The following DERL1 variants were observed in gnomAD, a reference collection of about 807,000 sequenced individuals.
The protein encoded by DERL1 is derlin-1.
A neutral mutation model predicts 41.6 loss-of-function variants in DERL1; 24 were observed. The observed-to-expected ratio is 0.58, with a 90% confidence interval of 0.42 to 0.81. The LOEUF (loss-of-function observed/expected upper bound fraction) is 0.81. DERL1 is among the 30% of genes least tolerant of loss of function. The probability of loss-of-function intolerance (pLI) is 0.00; values close to 1 mark genes in which losing one functional copy is unlikely to be tolerated. For synonymous variants in DERL1, 124 were observed against 112.5 expected (o/e 1.10, Z -0.65); for missense variants, 260 against 314.3 (o/e 0.83, Z 1.31).
chr8:123,032,589 CT>C (rs1184850809), intron 1 of DERL1, among the ~76,000 whole-genome samples: 1 of 152,174 alleles, frequency 6.6e-6, no homozygotes, highest in African/African-American at 2.4e-5. Flanking sequence ...TTTAGAAAGT[CT>C]TTTCGCTCCA....
At chr8:123,023,828 T>C (rs1048121929) in intron 3 of DERL1, 89 bp from the exon 4 acceptor site, 1 of 1,452,526 alleles carries the variant, frequency 6.9e-7, no homozygotes, top group African/African-American at 1.4e-5. Flanking sequence ...ATTTAAAAGT[T>C]CACTTGGCCA....
rs1330879821 is a variant in DERL1, at chr8:123,041,990, C to T, written c.133G>A (p.Ala45Thr). The T allele has an allele frequency of 1.2e-6, 2 of 1,612,712 alleles. No homozygotes were observed. Among genetic ancestry groups the T allele is most frequent in the Admixed American group, 1.7e-5 (1 of 59,916 alleles). ...SPAYLFLWPE[A>T]FLYRFQIWRP... is the part of the protein sequence containing the mutation. ...AGTACCTGAAAGCGATAAAGGAAGG[C>T]TTCGGGCCAGAGGAAGAGGTAGGCC... Residue 45 changes from alanine to threonine, a missense_variant, in exon 1 of 8, where the codon GCC (alanine) becomes ACC (threonine). Transcript: ENST00000259512.
Position 123,015,401 on chromosome 8 carries a change from G to A in DERL1, c.*46C>T. 1.9e-6 allele frequency: 3 copies of A among 1,601,256 alleles called. No homozygotes were observed. Among genetic ancestry groups the A allele is most frequent in the Non-Finnish European group, 2.6e-6 (3 of 1,172,942 alleles). On this transcript the variant is annotated 3_prime_UTR_variant, in exon 8 of 8. Coordinates refer to ENST00000259512, the MANE Select transcript of DERL1 (RefSeq NM_024295.6). ...GCAGTTGTTAAGTGCACCCAGCACT[G>A]GGAGGAAATGTGGCTTGAGAGGAGC...
intron 7 of DERL1, chr8:123,016,517 T>C (rs142366330): frequency 4.6e-5 from 7 of 152,356 alleles, no homozygotes; most frequent in Non-Finnish European, 2.9e-5. Context: ...GCAGTTACTA[T>C]GTGAATTTAC....
In DERL1 at chr8:123,034,062, T is replaced by C. The variant is rs183672517; in HGVS notation, c.154-3346A>G. 3.1e-3 allele frequency among the ~76,000 whole-genome samples: 466 copies of C among 152,294 alleles called. 25 individuals are homozygous for C. The highest frequency in any genetic ancestry group is 0.03 in the Admixed American group (462 of 15,304). ...AAGGGTTGGCACAAGGGAGGGGACA[T>C]GTGGACTTGTTACAAAGGCCCCAAG... On this transcript the variant is annotated intron_variant, in intron 1 of 7. Coordinates refer to ENST00000259512, the MANE Select transcript of DERL1 (RefSeq NM_024295.6).
chr8:123,030,772 T>C, intron 1 of DERL1, 56 bp from the exon 2 acceptor site: 3 of 1,272,462 alleles, frequency 2.4e-6, no homozygotes, highest in Non-Finnish European at 2.3e-6. Context: ...GTTATTTCTT[T>C]CCCTTCTAAC....
At chr8:123,032,569 A>G (rs1237341620) in intron 1 of DERL1, among the ~76,000 whole-genome samples, 1 of 152,218 alleles carries the variant, frequency 6.6e-6, no homozygotes, top group East Asian at 1.9e-4. Context: ...TGTATCCATG[A>G]TGTGTCATGT....
rs1813044064 is a variant in DERL1 at position 123,040,888 on chromosome 8, T to A, written c.153+1082A>T. Among the ~76,000 whole-genome samples the A allele has an allele frequency of 2.0e-5, 3 of 152,324 alleles. No homozygotes were observed. The South Asian group carries it at 6.2e-4, about 32-fold the overall frequency. Reference sequence around the variant, plus strand: ...GGATTCAGTTTTGGACACGTTAAGATGAAGATGACTCTTAGTCATCCAAGT... The same window carrying A: ...GGATTCAGTTTTGGACACGTTAAGAAGAAGATGACTCTTAGTCATCCAAGT... On this transcript the variant is annotated intron_variant, in intron 1 of 7. Coordinates refer to ENST00000259512, the MANE Select transcript of DERL1 (RefSeq NM_024295.6).
At chr8:123,038,219 T>C (rs549818103) in intron 1 of DERL1, among the ~76,000 whole-genome samples, 62 of 152,308 alleles carry the variant, frequency 4.1e-4, no homozygotes, top group African/African-American at 1.4e-3. Context: ...TTTTTGTAAG[T>C]TGTGAAAGAT....
intron 1 of DERL1, 97 bp downstream of exon 1, chr8:123,041,873 G>A: frequency 1.4e-6 from 2 of 1,436,614 alleles, no homozygotes. Context: ...ACAAATCCCA[G>A]CAGGCACCGC....
intron 1 of DERL1, 41 bp from the exon 2 acceptor site, chr8:123,030,757 G>A (rs1241585198): frequency 1.4e-6 from 2 of 1,393,586 alleles, no homozygotes; most frequent in African/African-American, 1.4e-5. Flanking sequence ...GTTTCTGTAA[G>A]CCTGGTTATT....
In DERL1 at chr8:123,015,277, T is replaced by C. The variant is rs1814528166; in HGVS notation, c.*170A>G. The stretch of plus-strand genomic sequence containing the variant: ...GGACTTGAATGAGAATCGTGAAACT[T>C]GTGGAACACTTATATTTTTCTTCGG... On this transcript the variant is annotated 3_prime_UTR_variant, in exon 8 of 8. Transcript: ENST00000259512. The C allele has an allele frequency of 2.1e-6, 2 of 931,542 alleles. No individual in the cohort carries two copies. Among genetic ancestry groups the C allele is most frequent in the Admixed American group, 2.9e-5 (1 of 34,858 alleles). 57.7% of individuals were successfully genotyped at this position (931,542 alleles called of 1,614,324 possible).
At chr8:123,026,565 A>G (rs1036954006) in intron 2 of DERL1, among the ~76,000 whole-genome samples, 1 of 152,228 alleles carries the variant, frequency 6.6e-6, no homozygotes, top group Non-Finnish European at 1.5e-5. Flanking sequence ...GTTAACTTAA[A>G]GCTGTGTGGT....
chr8:123,036,885 T>C (rs1219125481), intron 1 of DERL1, among the ~76,000 whole-genome samples: 19 of 152,190 alleles, frequency 1.2e-4, no homozygotes, highest in East Asian at 3.8e-4. Context: ...AAATGTGATA[T>C]ATAAGCAAAA....
chr8:123,033,513 G>A (rs995201197), intron 1 of DERL1, among the ~76,000 whole-genome samples: 1 of 152,226 alleles, frequency 6.6e-6, no homozygotes, highest in African/African-American at 2.4e-5. Context: ...GGAGGCCGAG[G>A]TGGGCAGATC....
intron 1 of DERL1, among the ~76,000 whole-genome samples, chr8:123,041,100 A>C (rs569339064): frequency 1.8e-4 from 28 of 152,336 alleles, no homozygotes; most frequent in African/African-American, 6.7e-4. Flanking sequence ...CTGATTCCCA[A>C]GGCACATCCT....
chr8:123,042,212 T>C lies in DERL1; in HGVS notation c.-90A>G. ...CGCGGCCGGCTCCGCGACTGTTAGG[T>C]GTCTAGGTGGAAGCCGCCGAAGCCG... On this transcript the variant is annotated 5_prime_UTR_variant, in exon 1 of 8. Coordinates refer to ENST00000259512, the MANE Select transcript of DERL1 (RefSeq NM_024295.6). The C allele has an allele frequency of 2.1e-6, 3 of 1,427,498 alleles. No homozygotes were observed. Among genetic ancestry groups the C allele is most frequent in the East Asian group, 2.7e-5 (1 of 36,744 alleles). The allele number at this position is 1,427,498 out of a possible 1,614,324, so 88.4% of individuals were successfully genotyped here. A position where few individuals can be genotyped will look rare whatever the true frequency, so the allele number is the denominator to read the frequency against.
chr8:123,033,392 T>C (rs1812857478), intron 1 of DERL1, among the ~76,000 whole-genome samples: 2 of 152,224 alleles, frequency 1.3e-5, no homozygotes, highest in African/African-American at 2.4e-5. Flanking sequence ...GAGCTATCTC[T>C]TTCTACCTTT....
intron 2 of DERL1, among the ~76,000 whole-genome samples, chr8:123,026,979 C>A (rs1324314508): frequency 6.6e-6 from 1 of 152,054 alleles, no homozygotes; most frequent in South Asian, 2.1e-4. Context: ...GCCCAGAACA[C>A]GCAAATCTAA....
Sources: allele counts gnomAD v4.1 joint callset (sites outside exome capture counted in the v4.1 genomes callset), GRCh38; gene constraint gnomAD v4.1.1; transcripts MANE v1.5; gene names NCBI Gene and HGNC (gene_info 2026-07-23, HGNC 2026-07-21).